ADCY2: variants seen among roughly 807,000 people sequenced by gnomAD.
ADCY2 encodes the protein adenylate cyclase 2.
Under a neutral mutation model 125.2 loss-of-function variants are expected in ADCY2, and 31 were observed. The observed-to-expected ratio is 0.25, with a 90% CI of 0.19 to 0.33. The LOEUF is 0.33. ADCY2 is among the 10% of genes least tolerant of loss of function. ADCY2 has a pLI of 1.00. For missense variants in ADCY2, 904 were observed against 1,418.2 expected (o/e 0.64, Z 5.82); for synonymous variants, 512 against 548.4 (o/e 0.93, Z 0.93).
chr5:7,736,542 G>A (rs1282659010), intron 14 of ADCY2, among the ~76,000 whole-genome samples: 1 of 152,094 alleles, frequency 6.6e-6, no homozygotes, highest in African/African-American at 2.4e-5. Context: ...GTAAGCAGTG[G>A]TCATCAGATA....
intron 12 of ADCY2, among the ~76,000 whole-genome samples, chr5:7,723,009 G>A (rs913326508): frequency 3.4e-5 from 5 of 147,804 alleles, no homozygotes; most frequent in Non-Finnish European, 7.4e-5. Context: ...CAAGGACATG[G>A]ATGGAGCTGG....
intron 3 of ADCY2, among the ~76,000 whole-genome samples, chr5:7,584,766 A>G (rs933854267): frequency 1.3e-5 from 2 of 152,172 alleles, no homozygotes; most frequent in African/African-American, 4.8e-5. Flanking sequence ...GAAAGCTTCA[A>G]CATTTTTACA....
chr5:7,613,152 TATA>T (rs200350802), intron 3 of ADCY2, among the ~76,000 whole-genome samples: 18 of 142,326 alleles, frequency 1.3e-4, no homozygotes, highest in Middle Eastern at 3.6e-3. Flanking sequence ...AAACTTAAAG[TATA>T]ATAATAAAAA....
chr5:7,776,543 G>A (rs1458915746), intron 18 of ADCY2, among the ~76,000 whole-genome samples: 1 of 152,100 alleles, frequency 6.6e-6, no homozygotes, highest in Admixed American at 6.5e-5. Flanking sequence ...GTGCTCTGAC[G>A]ACACTGTGAT....
At chr5:7,462,562 T>G (rs1391946089) in intron 2 of ADCY2, among the ~76,000 whole-genome samples, 1 of 152,214 alleles carries the variant, frequency 6.6e-6, no homozygotes, top group Non-Finnish European at 1.5e-5. Context: ...AATTAAATCA[T>G]TTGACATTTT....
At chr5:7,439,327 G>A (rs150396861) in intron 2 of ADCY2, among the ~76,000 whole-genome samples, 12 of 152,116 alleles carry the variant, frequency 7.9e-5, no homozygotes, top group African/African-American at 2.7e-4. Context: ...CTTACATGGC[G>A]GCAGGCAAGA....
At chr5:7,418,416 A>G (rs538794325) in intron 2 of ADCY2, among the ~76,000 whole-genome samples, 4 of 152,104 alleles carry the variant, frequency 2.6e-5, no homozygotes, top group Admixed American at 6.5e-5. Flanking sequence ...TGATGCTTAG[A>G]AAAGGCCATA....
At chr5:7,696,750 G>A (rs1740906282) in intron 6 of ADCY2, among the ~76,000 whole-genome samples, 1 of 152,134 alleles carries the variant, frequency 6.6e-6, no homozygotes. Context: ...CTGGCTTGCA[G>A]ATGTTAGCAT....
intron 2 of ADCY2, among the ~76,000 whole-genome samples, chr5:7,442,458 C>A (rs1200064718): frequency 1.3e-5 from 2 of 152,054 alleles, no homozygotes. Flanking sequence ...TTTTTGGAGG[C>A]GAGGACAAAA....
intron 4 of ADCY2, among the ~76,000 whole-genome samples, chr5:7,640,880 C>G (rs1337754763): frequency 1.3e-5 from 2 of 152,082 alleles, no homozygotes; most frequent in Non-Finnish European, 2.9e-5. Flanking sequence ...TCTTCTAAGA[C>G]TAAAGAAATA....
intron 3 of ADCY2, among the ~76,000 whole-genome samples, chr5:7,547,163 G>A (rs1735172585): frequency 6.6e-6 from 1 of 152,094 alleles, no homozygotes; most frequent in Non-Finnish European, 1.5e-5. Flanking sequence ...ACCACAAGTG[G>A]GTAAAAGCAG....
intron 3 of ADCY2, among the ~76,000 whole-genome samples, chr5:7,586,093 G>A (rs188695552): frequency 2.4e-4 from 37 of 152,246 alleles, no homozygotes; most frequent in African/African-American, 7.9e-4. Context: ...TTGTATTCTA[G>A]TAACTGGTAA....
At chr5:7,679,658 A>G (rs1242206223) in intron 4 of ADCY2, among the ~76,000 whole-genome samples, 1 of 152,342 alleles carries the variant, frequency 6.6e-6, no homozygotes, top group South Asian at 2.1e-4. Context: ...ACAGTCAGGT[A>G]TGAAAGCAGG....
chr5:7,496,073 G>T (rs1328320228), intron 2 of ADCY2, among the ~76,000 whole-genome samples: 5 of 152,116 alleles, frequency 3.3e-5, no homozygotes, highest in African/African-American at 1.2e-4. Flanking sequence ...AAGAACCAAA[G>T]ATTGGAACTA....
At position 7,704,361 on chromosome 5, in the gene ADCY2, A is replaced by T. The variant is rs1016889306; in HGVS notation, c.1110-2383A>T. Among the ~76,000 whole-genome samples, 4 of 152,320 alleles carry T rather than the reference A, an allele frequency of 2.6e-5. No individual in the cohort carries two copies. In the South Asian group the frequency reaches 8.3e-4, roughly 32 times the overall value. On this transcript the variant is annotated intron_variant, in intron 7 of 24. Transcript: ENST00000338316. ...CTAGCCCAGGCACCACGGCAGAGGC[A>T]CTTCAGCTGCAGTTTTGGAACATTT...
chr5:7,690,982 C>T (rs2126308576), intron 5 of ADCY2, 143 bp downstream of exon 5: 1 of 977,838 alleles, frequency 1.0e-6, no homozygotes, highest in Non-Finnish European at 1.4e-6. Flanking sequence ...CAGATTCTGC[C>T]ATCCCACTCA....
intron 12 of ADCY2, among the ~76,000 whole-genome samples, chr5:7,718,444 G>A (rs933846806): frequency 2.0e-5 from 3 of 152,068 alleles, no homozygotes; most frequent in African/African-American, 7.2e-5. Context: ...CACCACGCCC[G>A]GCCTTAGATT....
intron 2 of ADCY2, among the ~76,000 whole-genome samples, chr5:7,421,137 G>T (rs1740188855): frequency 1.3e-5 from 2 of 152,156 alleles, no homozygotes; most frequent in Non-Finnish European, 2.9e-5. Flanking sequence ...GTGTTTATTG[G>T]AGTCCTGTCA....
chr5:7,420,215 G>A (rs1356894016), intron 2 of ADCY2, among the ~76,000 whole-genome samples: 2 of 152,222 alleles, frequency 1.3e-5, no homozygotes, highest in Non-Finnish European at 1.5e-5. Flanking sequence ...GCCCAGTTCC[G>A]AGCCTGAGAA....
Sources: allele counts gnomAD v4.1 joint callset (sites outside exome capture counted in the v4.1 genomes callset), GRCh38; gene constraint gnomAD v4.1.1; transcripts MANE v1.5; gene names NCBI Gene and HGNC (gene_info 2026-07-23, HGNC 2026-07-21).